DENND1A: variants seen among roughly 807,000 people sequenced by gnomAD.
DENND1A encodes the protein DENN domain containing 1A.
A neutral mutation model predicts 113.7 loss-of-function variants in DENND1A; 51 were observed. The observed-to-expected ratio is 0.45, with a 90% CI of 0.36 to 0.57. The LOEUF (loss-of-function observed/expected upper bound fraction) is 0.57, where lower values mean the gene tolerates loss of function less well. Among genes scored for constraint, DENND1A ranks in the 20% least tolerant of loss-of-function variants. DENND1A has a pLI of 0.00. For missense variants in DENND1A, 1,258 were observed against 1,395.9 expected (o/e 0.90, Z 1.57); for synonymous variants, 565 against 570.8 (o/e 0.99, Z 0.14).
chr9:123,615,038 C>A (rs999842688), intron 10 of DENND1A, among the ~76,000 whole-genome samples: 2 of 152,198 alleles, frequency 1.3e-5, no homozygotes, highest in African/African-American at 4.8e-5. Flanking sequence ...CACCAGAGAA[C>A]ATATCTTGCT....
intron 2 of DENND1A, among the ~76,000 whole-genome samples, chr9:123,810,496 G>C (rs1836370455): frequency 7.4e-6 from 1 of 134,444 alleles, no homozygotes. Context: ...AGGATCACTT[G>C]AGCTCAAGAG....
intron 12 of DENND1A, among the ~76,000 whole-genome samples, chr9:123,558,410 G>A (rs1158471640): frequency 2.0e-5 from 3 of 152,202 alleles, no homozygotes; most frequent in South Asian, 2.1e-4. Context: ...TAATAGACAT[G>A]TACTCAAGAG....
chr9:123,853,710 G>C (rs116889269), intron 2 of DENND1A, among the ~76,000 whole-genome samples: 2 of 152,114 alleles, frequency 1.3e-5, no homozygotes, highest in Admixed American at 1.3e-4. Flanking sequence ...CAGGTTTTAG[G>C]AAACAAATCT....
Position 123,455,670 on chromosome 9 carries a change from T to G in DENND1A, c.1187-891A>C, listed in dbSNP as rs192909457. On this transcript the variant is annotated intron_variant, in intron 15 of 23. Coordinates refer to ENST00000394215, the MANE Select transcript of DENND1A (RefSeq NM_001352964.2). Reference sequence around the variant, plus strand: ...GTGTGTCCCATTGAAAGGACCCTGCTGGACACACATTGAACCCTCGGAGAG... The same window carrying G: ...GTGTGTCCCATTGAAAGGACCCTGCGGGACACACATTGAACCCTCGGAGAG... 2.0e-5 allele frequency among the ~76,000 whole-genome samples: 3 copies of G among 152,364 alleles called. No homozygotes were observed. The East Asian group carries it at 5.8e-4, about 29-fold the overall frequency.
At chr9:123,403,809 T>C (rs536331807) in intron 20 of DENND1A, among the ~76,000 whole-genome samples, 1 of 152,180 alleles carries the variant, frequency 6.6e-6, no homozygotes, top group African/African-American at 2.4e-5. Flanking sequence ...GATGTCTACA[T>C]AGGACCCGGA....
chr9:123,595,743 G>A (rs765214148), intron 11 of DENND1A, among the ~76,000 whole-genome samples: 7 of 152,094 alleles, frequency 4.6e-5, no homozygotes, highest in Non-Finnish European at 1.0e-4. Context: ...AAAAGATTGG[G>A]GGAGACACTG....
Position 123,874,495 on chromosome 9 carries a change from C to T in DENND1A, c.88+4456G>A, listed in dbSNP as rs1847143607. 2.0e-5 allele frequency among the ~76,000 whole-genome samples: 3 copies of T among 152,084 alleles called. No homozygotes were observed. The South Asian group carries it at 6.2e-4, about 32-fold the overall frequency. On this transcript the variant is annotated intron_variant, in intron 2 of 23. Coordinates refer to ENST00000394215, the MANE Select transcript of DENND1A (RefSeq NM_001352964.2). ...GAGGCCAATAAGCCTATACCAGCTA[C>T]TAAGGAGGCTAGTACCATCTACTAA... is the stretch of plus-strand genomic sequence containing the variant.
rs187865167 is a variant in DENND1A at position 123,769,060 on chromosome 9, T to C, written c.182+454A>G. Among the ~76,000 whole-genome samples the C allele has an allele frequency of 2.4e-3, 362 of 152,246 alleles. 1 individual carries two copies. The highest frequency in any genetic ancestry group is 4.2e-3 in the Non-Finnish European group (286 of 67,956). ...AAATATAAAATACTATTTAGCAATA[T>C]TCCCTGCTGAATACTTTTAAACAAG... On this transcript the variant is annotated intron_variant, in intron 4 of 23. Coordinates refer to ENST00000394215, the MANE Select transcript of DENND1A (RefSeq NM_001352964.2).
chr9:123,923,438 G>C (rs759566581), intron 1 of DENND1A, among the ~76,000 whole-genome samples: 1 of 152,172 alleles, frequency 6.6e-6, no homozygotes, highest in Non-Finnish European at 1.5e-5. Context: ...AAGGGAAGAG[G>C]GGAATAGGCA....
chr9:123,691,191 T>C (rs2065168956), intron 5 of DENND1A, among the ~76,000 whole-genome samples: 1 of 152,192 alleles, frequency 6.6e-6, no homozygotes, highest in Admixed American at 6.5e-5. Flanking sequence ...AGCATAAATG[T>C]GTGCCAGCCC....
At chr9:123,669,888 C>T (rs1323993748) in intron 7 of DENND1A, among the ~76,000 whole-genome samples, 3 of 152,074 alleles carry the variant, frequency 2.0e-5, no homozygotes, top group African/African-American at 7.2e-5. Context: ...TCCTTCTCTC[C>T]CTCTCCTTCC....
intron 9 of DENND1A, among the ~76,000 whole-genome samples, chr9:123,639,364 G>A (rs898131639): frequency 2.0e-5 from 3 of 149,478 alleles, no homozygotes; most frequent in Non-Finnish European, 4.4e-5. Context: ...AGTTGAACCC[G>A]AGAGGCAGAT....
Position 123,387,738 on chromosome 9 carries a change from G to A in DENND1A, c.1752C>T (p.Pro584=). The stretch of plus-strand genomic sequence containing the variant: ...AAGAAGGAAGGAGAGACCATTCAAA[G>A]GGAGCGGAGAAGAAAAAGCTCTCGG... ...GFTESFFFSA[P]FEWPQPYRTL... is the part of the protein sequence containing the mutation. Residue 584 remains proline (P), a synonymous_variant, in exon 22 of 24, where the codon CCC becomes CCT. Coordinates refer to ENST00000394215, the MANE Select transcript of DENND1A (RefSeq NM_001352964.2). The A allele has an allele frequency of 7.8e-7, 1 of 1,289,876 alleles. No homozygotes were observed. Among genetic ancestry groups the A allele is most frequent in the Non-Finnish European group, 1.0e-6 (1 of 988,878 alleles). The allele number at this position is 1,289,876 out of a possible 1,614,324, so 79.9% of individuals were successfully genotyped here.
At chr9:123,575,005 G>A (rs2058557891) in intron 12 of DENND1A, among the ~76,000 whole-genome samples, 1 of 152,160 alleles carries the variant, frequency 6.6e-6, no homozygotes, top group Non-Finnish European at 1.5e-5. Flanking sequence ...AGTCTCCTCT[G>A]GTTTAGAACA....
chr9:123,461,064 T>C (rs2048486612), intron 13 of DENND1A, among the ~76,000 whole-genome samples: 1 of 152,198 alleles, frequency 6.6e-6, no homozygotes, highest in East Asian at 1.9e-4. Flanking sequence ...TCTGTGTCAC[T>C]TTGCCTCTGC....
At chr9:123,391,037 G>A (rs1315320530) in intron 21 of DENND1A, among the ~76,000 whole-genome samples, 2 of 152,254 alleles carry the variant, frequency 1.3e-5, no homozygotes, top group South Asian at 4.1e-4. Flanking sequence ...TCCAACTGCC[G>A]CAGTTCAGGC....
chr9:123,414,268 A>G, intron 19 of DENND1A: 1 of 1,319,266 alleles, frequency 7.6e-7, no homozygotes, highest in Non-Finnish European at 9.7e-7. Context: ...CAACGAGATG[A>G]TGGACGTCAG....
intron 9 of DENND1A, among the ~76,000 whole-genome samples, chr9:123,637,953 GCACACA>G (rs10539798): frequency 6.8e-5 from 10 of 147,886 alleles, no homozygotes; most frequent in East Asian, 6.0e-4. Flanking sequence ...ACACACACGC[GCACACA>G]CACACACACA....
At chr9:123,470,517 G>C (rs2049320911) in intron 13 of DENND1A, among the ~76,000 whole-genome samples, 1 of 152,216 alleles carries the variant, frequency 6.6e-6, no homozygotes. Flanking sequence ...GTGCACTGGA[G>C]AGAGGACACG....
Sources: gnomAD v4.1 joint callset for allele counts (sites outside exome capture counted in the v4.1 genomes callset) on GRCh38, gnomAD v4.1.1 for gene constraint, MANE v1.5 for transcripts, NCBI Gene and HGNC (gene_info 2026-07-23, HGNC 2026-07-21) for gene names.